TRAPPC6A: variants seen among roughly 807,000 people sequenced by gnomAD.
The protein encoded by TRAPPC6A is trafficking protein particle complex subunit 6A.
A neutral mutation model predicts 20.8 loss-of-function variants in TRAPPC6A; 25 were observed. The observed-to-expected ratio is 1.20, with a 90% CI of 0.88 to 1.68. The LOEUF (loss-of-function observed/expected upper bound fraction) is 1.68. Ranked by LOEUF, TRAPPC6A falls within the 40% of genes most tolerant of loss-of-function variation. The probability of loss-of-function intolerance (pLI) is 0.00; values close to 1 mark genes in which losing one functional copy is unlikely to be tolerated. For synonymous variants in TRAPPC6A, 96 were observed against 93.3 expected, an observed-to-expected ratio of 1.03 and a Z score of -0.16; for missense variants, 215 against 211.6, an observed-to-expected ratio of 1.02 and a Z score of -0.10.
chr19:45,163,006 T>TGTA lies in TRAPPC6A; in HGVS notation c.*185_*186insTAC. 1.7e-6 allele frequency: 1 copy of TGTA among 595,822 alleles called. No individual in the cohort carries two copies. The highest frequency in any genetic ancestry group is 2.9e-6 in the Non-Finnish European group (1 of 347,860). 36.9% of individuals were successfully genotyped at this position (595,822 alleles called of 1,614,324 possible). On this transcript the variant is annotated 3_prime_UTR_variant, in exon 6 of 6. Transcript: ENST00000585934. This position sits in a 1 kb window ranked among gnomAD's most constrained non-coding sequence, Gnocchi z 5.3. ...CGAGGCGGGAATCCCACCACAGTCC[T>TGTA]GACCGCAGCTGGGACCCCTTTGCCT... is the stretch of plus-strand genomic sequence containing the variant.
At chr19:45,178,058 G>T (rs1969432697) in intron 1 of TRAPPC6A, 77 bp downstream of exon 1, 2 of 1,602,216 alleles carry the variant, frequency 1.2e-6, no homozygotes, top group East Asian at 2.3e-5. Flanking sequence ...GAACCCGGAC[G>T]CCTGACGCGC....
rs558172251 is a variant in TRAPPC6A, at chr19:45,170,619, G to A, written c.85-5425C>T. ...TTCACACTGCCTGGGTTTGAATCTC[G>A]GCCCCGCCACTCACTGGCTCTGTGA... On this transcript the variant is annotated intron_variant, in intron 1 of 5. Coordinates refer to ENST00000585934, the MANE Select transcript of TRAPPC6A (RefSeq NM_001270891.2). Among the ~76,000 whole-genome samples the A allele has an allele frequency of 3.0e-4, 45 of 152,286 alleles. 1 individual carries two copies. The highest frequency in any genetic ancestry group is 6.5e-4 in the Admixed American group (10 of 15,302).
At chr19:45,170,128 C>T (rs957915626) in intron 1 of TRAPPC6A, among the ~76,000 whole-genome samples, 2 of 152,020 alleles carry the variant, frequency 1.3e-5, no homozygotes, top group South Asian at 2.1e-4. Context: ...GGGTGAGAGG[C>T]GGGGAAGGGA....
rs934670124 is a variant in TRAPPC6A, at chr19:45,163,619, A to G, written c.448+297T>C. Among the ~76,000 whole-genome samples the G allele has an allele frequency of 2.0e-5, 3 of 152,098 alleles. No individual in the cohort carries two copies. Among genetic ancestry groups the G allele is most frequent in the Admixed American group, 6.5e-5 (1 of 15,282 alleles). ...GAGGACACCCAGTCAGGCAGGCTGC[A>G]AGTTCCCTGGAGCCTGCCGTCGCCC... On this transcript the variant is annotated intron_variant, in intron 5 of 5. Coordinates refer to ENST00000585934, the MANE Select transcript of TRAPPC6A (RefSeq NM_001270891.2). This position sits in a 1 kb window ranked among gnomAD's most constrained non-coding sequence, Gnocchi z 5.3.
chr19:45,164,667 C>G (rs1042979498), intron 3 of TRAPPC6A, 186 bp downstream of exon 3: 147 of 623,376 alleles, frequency 2.4e-4, no homozygotes, highest in Non-Finnish European at 3.9e-4. Flanking sequence ...CGGAAACACC[C>G]CCTATGCCCC....
rs991361502 is a variant in TRAPPC6A, at chr19:45,163,688, G to T, written c.448+228C>A. ...GGATAACTTCTATTGCGTCCACCTC[G>T]GCTCCCATGCTGGGAAACGATGTTC... On this transcript the variant is annotated intron_variant, in intron 5 of 5. Coordinates refer to ENST00000585934, the MANE Select transcript of TRAPPC6A (RefSeq NM_001270891.2). This position sits in a 1 kb window ranked among gnomAD's most constrained non-coding sequence, Gnocchi z 5.3. Among the ~76,000 whole-genome samples, 5 of 152,154 alleles carry T rather than the reference G, an allele frequency of 3.3e-5. No individual in the cohort carries two copies. Among genetic ancestry groups the T allele is most frequent in the African/African-American group, 1.2e-4 (5 of 41,428 alleles).
At chr19:45,177,158 C>T (rs1032686978) in intron 1 of TRAPPC6A, among the ~76,000 whole-genome samples, 13 of 151,462 alleles carry the variant, frequency 8.6e-5, no homozygotes, top group Non-Finnish European at 1.5e-5. Context: ...GCACTCCAGC[C>T]AGCCTGGGCG....
At position 45,162,989 on chromosome 19, in the gene TRAPPC6A, GAATC is replaced by G; in HGVS notation, c.*199_*202del. On this transcript the variant is annotated 3_prime_UTR_variant, in exon 6 of 6. Coordinates refer to ENST00000585934, the MANE Select transcript of TRAPPC6A (RefSeq NM_001270891.2). Reference sequence around the variant, plus strand: ...CTGGGCAGTGACGCTGCCGAGGCGGGAATCCCACCACAGTCCTGACCGCAGCTGG... The same window carrying G: ...CTGGGCAGTGACGCTGCCGAGGCGGGCCACCACAGTCCTGACCGCAGCTGG... 1 of 452,118 alleles carries G rather than the reference GAATC, an allele frequency of 2.2e-6. No individual in the cohort carries two copies. Among genetic ancestry groups the G allele is most frequent in the Admixed American group, 4.2e-5 (1 of 23,610 alleles). 28.0% of individuals were successfully genotyped at this position (452,118 alleles called of 1,614,324 possible).
chr19:45,177,190 C>T (rs549009409), intron 1 of TRAPPC6A, among the ~76,000 whole-genome samples: 84 of 113,760 alleles, frequency 7.4e-4, no homozygotes, highest in Admixed American at 1.1e-3. Context: ...TGCGCGTGCG[C>T]GCACACACAC....
rs1263186597 is a variant in TRAPPC6A at position 45,164,244 on chromosome 19, T to G, written c.274A>C (p.Thr92Pro). The G allele has an allele frequency of 1.2e-6, 2 of 1,601,384 alleles. No homozygotes were observed. Among genetic ancestry groups the G allele is most frequent in the Admixed American group, 3.4e-5 (2 of 58,858 alleles). Residue 92 changes from threonine to proline, a missense_variant, in exon 4 of 6, where the codon ACC becomes CCC. By Grantham distance (38) the Thr-to-Pro change is conservative (BLOSUM62 -1). Transcript: ENST00000585934. ...AAGCTGTTGTCTTGCAGGACGTAGG[T>G]CCCCTGGGGGAGAGGAGAGGCTGGT... ...MDSLRTNHQG[T>P]YVLQDNSFPL...
chr19:45,163,130 ACCGTCT>A lies in TRAPPC6A; in HGVS notation c.*56_*61del. On this transcript the variant is annotated 3_prime_UTR_variant, in exon 6 of 6. Transcript: ENST00000585934. The surrounding 1 kb of genome is among the most constrained non-coding windows in gnomAD (Gnocchi z 5.3). ...GACCACCCCGAAATGCAGCGGCCCCACCGTCTCCTGAGGCCGGTGAGGCCAGGGGCA... is the reference window on the plus strand; with the variant it reads ...GACCACCCCGAAATGCAGCGGCCCCACCTGAGGCCGGTGAGGCCAGGGGCA... 1 of 1,604,012 alleles carries A rather than the reference ACCGTCT, an allele frequency of 6.2e-7. No homozygotes were observed. Among genetic ancestry groups the A allele is most frequent in the Non-Finnish European group, 8.5e-7 (1 of 1,171,970 alleles).
chr19:45,168,437 G>A (rs918982076), intron 1 of TRAPPC6A, among the ~76,000 whole-genome samples: 10 of 152,164 alleles, frequency 6.6e-5, no homozygotes, highest in African/African-American at 2.2e-4. Context: ...TGGACAGAAC[G>A]CCATCCCATC....
intron 1 of TRAPPC6A, among the ~76,000 whole-genome samples, chr19:45,165,649 G>A (rs1342155096): frequency 6.6e-6 from 1 of 152,248 alleles, no homozygotes; most frequent in African/African-American, 2.4e-5. Flanking sequence ...AAAGGGGGCT[G>A]TGGAAGTCAA....
At position 45,163,834 on chromosome 19, in the gene TRAPPC6A, C is replaced by T. The variant is rs766440758; in HGVS notation, c.448+82G>A. On this transcript the variant is annotated intron_variant, in intron 5 of 5. Transcript: ENST00000585934. This position sits in a 1 kb window ranked among gnomAD's most constrained non-coding sequence, Gnocchi z 5.3. Reference sequence around the variant, plus strand: ...TAAAACTGGGCCTGCCTCCCAGGCACACACACAGGAGTGGGGCTGGAACTC... The same window carrying T: ...TAAAACTGGGCCTGCCTCCCAGGCATACACACAGGAGTGGGGCTGGAACTC... The T allele has an allele frequency of 1.3e-4, 171 of 1,279,606 alleles. No individual in the cohort carries two copies. Among genetic ancestry groups the T allele is most frequent in the Non-Finnish European group, 1.7e-4 (159 of 911,672 alleles). The allele number at this position is 1,279,606 out of a possible 1,614,324, so 79.3% of individuals were successfully genotyped here. A position where few individuals can be genotyped will look rare whatever the true frequency, so the allele number is the denominator to read the frequency against.
At chr19:45,164,585 G>A (rs1367922186) in intron 3 of TRAPPC6A, 2 of 583,150 alleles carry the variant, frequency 3.4e-6, no homozygotes, top group East Asian at 5.7e-5. Context: ...GCATCACACT[G>A]GGGGTAGGGC....
At chr19:45,177,984 C>T (rs903536175) in intron 1 of TRAPPC6A, 151 bp downstream of exon 1, 17 of 1,425,234 alleles carry the variant, frequency 1.2e-5, no homozygotes, top group Non-Finnish European at 1.6e-5. Context: ...TCGCGAACGC[C>T]ACTTTCCAAA....
rs1056363423 is a variant in TRAPPC6A, at chr19:45,172,347, A to C, written c.84+5788T>G. Among the ~76,000 whole-genome samples the C allele has an allele frequency of 6.6e-6, 1 of 151,542 alleles. No individual in the cohort carries two copies. Among genetic ancestry groups the C allele is most frequent in the African/African-American group, 2.4e-5 (1 of 40,848 alleles). The stretch of plus-strand genomic sequence containing the variant: ...AGAGAACATTCTGCCCTGAACTGGG[A>C]GGGAGGCGGGTGGGGGCCATGTGCT... On this transcript the variant is annotated intron_variant, in intron 1 of 5. Transcript: ENST00000585934. This position sits in a 1 kb window ranked among gnomAD's most constrained non-coding sequence, Gnocchi z 4.2.
chr19:45,178,144 G>A lies in TRAPPC6A; in HGVS notation c.75C>T (p.Pro25=). Residue 25 remains proline, a synonymous_variant, in exon 1 of 6, where the codon CCC becomes CCT. Coordinates refer to ENST00000585934, the MANE Select transcript of TRAPPC6A (RefSeq NM_001270891.2). ...GGAGCCCGGCGCTCACCCCCGGGCC[G>A]GGGTCGGGGTCGTGAGCCCACAGCT... ...VAELWAHDPD[P]GPGGQKMSLS... The A allele has an allele frequency of 6.2e-7, 1 of 1,613,148 alleles. No homozygotes were observed. Among genetic ancestry groups the A allele is most frequent in the Non-Finnish European group, 8.5e-7 (1 of 1,179,366 alleles).
chr19:45,166,929 T>A (rs1969167904), intron 1 of TRAPPC6A, among the ~76,000 whole-genome samples: 1 of 152,132 alleles, frequency 6.6e-6, no homozygotes, highest in Non-Finnish European at 1.5e-5. Flanking sequence ...CGAGGAAGGC[T>A]TCTTGCAGCC....
Sources: gnomAD v4.1 joint callset for allele counts (sites outside exome capture counted in the v4.1 genomes callset) on GRCh38, gnomAD v4.1.1 for gene constraint, Gnocchi (gnomAD v3.1) non-coding constraint, MANE v1.5 for transcripts, NCBI Gene and HGNC (gene_info 2026-07-23, HGNC 2026-07-21) for gene names.